The following AFF2 variants were observed in gnomAD, a reference collection of about 807,000 sequenced individuals.
AFF2 encodes the protein ALF transcription elongation factor 2, also known as AF4/FMR2 family member 2.
In AFF2, 14 loss-of-function variants were observed where a neutral mutation model predicts 76.9. The observed-to-expected ratio is 0.18, with a 90% CI of 0.12 to 0.28. The LOEUF (loss-of-function observed/expected upper bound fraction) is 0.28, where lower values mean the gene tolerates loss of function less well. Among genes scored for constraint, AFF2 ranks in the 10% least tolerant of loss-of-function variants. The probability of loss-of-function intolerance (pLI) is 1.00; values close to 1 mark genes in which losing one functional copy is unlikely to be tolerated. For synonymous variants in AFF2, 398 were observed against 366.7 expected (o/e 1.09, Z -0.98); for missense variants, 868 against 1,001.1 (o/e 0.87, Z 1.79).
intron 15 of AFF2, among the ~76,000 whole-genome samples, chrX:148,969,694 G>C (rs1557289273): frequency 9.0e-6 from 1 of 111,630 alleles, no homozygotes; most frequent in African/African-American, 3.3e-5. Context: ...TTTAAGATTG[G>C]TTAAATCCAT....
At chrX:148,832,792 A>G (rs935282050) in intron 4 of AFF2, among the ~76,000 whole-genome samples, 5 of 111,873 alleles carry the variant, frequency 4.5e-5, no homozygotes, top group Non-Finnish European at 9.4e-5. Flanking sequence ...CCCAGAATGG[A>G]CAAGCAACTT....
chrX:148,974,580 T>C (rs903063085), intron 16 of AFF2, among the ~76,000 whole-genome samples: 39 of 111,963 alleles, frequency 3.5e-4, no homozygotes, highest in Non-Finnish European at 6.2e-4. Flanking sequence ...CTGGACAGAT[T>C]TAGTGTGCAT....
intron 7 of AFF2, among the ~76,000 whole-genome samples, chrX:148,859,568 TAAACA>T: frequency 9.0e-6 from 1 of 110,572 alleles, no homozygotes; most frequent in Non-Finnish European, 1.9e-5. Flanking sequence ...CATGTTTCTA[TAAACA>T]AATGGAATTT....
chrX:148,847,019 G>T (rs1256178917), intron 7 of AFF2, among the ~76,000 whole-genome samples: 1 of 111,360 alleles, frequency 9.0e-6, no homozygotes, highest in Non-Finnish European at 1.9e-5. Flanking sequence ...TCCTGCCTCA[G>T]CCTCCTGTGT....
chrX:148,839,147 G>C (rs1209085758), intron 5 of AFF2, among the ~76,000 whole-genome samples: 1 of 112,486 alleles, frequency 8.9e-6, no homozygotes, highest in Non-Finnish European at 1.9e-5. Flanking sequence ...CAATAGAACT[G>C]TTGTTTAAAT....
intron 3 of AFF2, among the ~76,000 whole-genome samples, chrX:148,762,963 G>A (rs1287794998): frequency 8.9e-6 from 1 of 112,273 alleles, no homozygotes; most frequent in Non-Finnish European, 1.9e-5. Context: ...CGAGGTCACT[G>A]ATCTTACAGC....
intron 8 of AFF2, among the ~76,000 whole-genome samples, chrX:148,895,408 A>C (rs1375873204): frequency 8.0e-5 from 9 of 111,859 alleles, no homozygotes; most frequent in African/African-American, 2.9e-4. Flanking sequence ...ATTTTATTTG[A>C]ATATTGACAT....
chrX:148,870,634 C>G (rs138563277), intron 7 of AFF2, among the ~76,000 whole-genome samples: 9 of 112,288 alleles, frequency 8.0e-5, no homozygotes, highest in Middle Eastern at 4.6e-3. Flanking sequence ...GTGAAGCTGT[C>G]AAACTAGCTG....
chrX:148,932,991 T>C (rs1489646797), intron 9 of AFF2, among the ~76,000 whole-genome samples: 1 of 112,008 alleles, frequency 8.9e-6, no homozygotes, highest in African/African-American at 3.3e-5. Context: ...TAAAATATAT[T>C]GGAAGGTGAT....
chrX:148,930,213 A>G lies in AFF2; in HGVS notation c.1398-23367A>G, dbSNP rs186384411. Among the ~76,000 whole-genome samples the G allele has an allele frequency of 3.4e-4, 38 of 112,492 alleles. No individual in the cohort carries two copies. The East Asian group carries it at 8.1e-3, about 24-fold the overall frequency. Reference sequence around the variant, plus strand: ...AAATTAACATGAGATTATTCTCATCATACAGTATCCAAAGAGGCAGGTAAA... The same window carrying G: ...AAATTAACATGAGATTATTCTCATCGTACAGTATCCAAAGAGGCAGGTAAA... On this transcript the variant is annotated intron_variant, in intron 9 of 20. Coordinates refer to ENST00000370460, the MANE Select transcript of AFF2 (RefSeq NM_002025.4).
chrX:148,661,908 A>G lies in AFF2; in HGVS notation c.181A>G (p.Thr61Ala). ...FGEPYKVAEYTNKGDALANRV... is the reference protein window; with the variant it reads ...FGEPYKVAEYANKGDALANRV... ...CACCCCCATCTTTTTGTTATTTTAG[A>G]CAAACAAAGGTGATGCACTTGCCAA... Residue 61 changes from threonine to alanine, a missense_variant and splice_region_variant, in exon 3 of 21, where the codon ACA becomes GCA. Physicochemically the swap from Thr to Ala is moderately conservative, Grantham distance 58 (BLOSUM62 0). Around this residue, in one of 6 missense-constraint regions of AFF2, gnomAD observed 196 missense variants for 194.8 expected, o/e 1.01. Coordinates refer to ENST00000370460, the MANE Select transcript of AFF2 (RefSeq NM_002025.4). 1 of 1,186,317 alleles carries G rather than the reference A, an allele frequency of 8.4e-7. No homozygotes were observed. Among genetic ancestry groups the G allele is most frequent in the South Asian group, 1.9e-5 (1 of 53,545 alleles).
chrX:148,885,019 G>T (rs1220610815), intron 7 of AFF2, among the ~76,000 whole-genome samples: 2 of 111,613 alleles, frequency 1.8e-5, no homozygotes, highest in African/African-American at 6.5e-5. Flanking sequence ...TAAGGATGAG[G>T]TATAAAGTTA....
At chrX:148,546,633 T>C (rs2052924021) in intron 1 of AFF2, among the ~76,000 whole-genome samples, 1 of 112,483 alleles carries the variant, frequency 8.9e-6, no homozygotes, top group African/African-American at 3.2e-5. Flanking sequence ...TTCATTAATA[T>C]TGTTTCATTA....
intron 1 of AFF2, among the ~76,000 whole-genome samples, chrX:148,581,668 A>G (rs1201149914): frequency 1.8e-5 from 2 of 111,785 alleles, no homozygotes; most frequent in African/African-American, 6.6e-5. Context: ...GTATACGTGT[A>G]CACACATATA....
At position 148,996,437 on chromosome X, in the gene AFF2, T is replaced by C. The variant is rs1557293146; in HGVS notation, c.*5105T>C. 2 of 112,689 alleles carry C rather than the reference T, an allele frequency of 1.8e-5. No individual in the cohort carries two copies. The highest frequency in any genetic ancestry group is 3.2e-5 in the African/African-American group (1 of 31,067). 9.3% of individuals were successfully genotyped at this position (112,689 alleles called of 1,213,427 possible). ...ACCAACTGTGATGTCACTGAACACA[T>C]GGTTGGAAAGAGATGCACGCAGTTG... On this transcript the variant is annotated 3_prime_UTR_variant, in exon 21 of 21. Transcript: ENST00000370460.
At chrX:148,690,101 G>A (rs1436746219) in intron 3 of AFF2, among the ~76,000 whole-genome samples, 1 of 111,995 alleles carries the variant, frequency 8.9e-6, no homozygotes, top group African/African-American at 3.2e-5. Context: ...TTGAACTGAT[G>A]GGCCCTTGAT....
At position 148,545,364 on chromosome X, in the gene AFF2, A is replaced by G. The variant is rs781788331; in HGVS notation, c.47+44220A>G. ...GCTTTTTGTTTATCTTTTGATTAAT[A>G]CAGTTTTGATTGTCCTTCAGAGTTG... On this transcript the variant is annotated intron_variant, in intron 1 of 20. Coordinates refer to ENST00000370460, the MANE Select transcript of AFF2 (RefSeq NM_002025.4). 8.0e-5 allele frequency among the ~76,000 whole-genome samples: 9 copies of G among 112,129 alleles called. No homozygotes were observed. In the South Asian group the frequency reaches 3.4e-3, roughly 42 times the overall value.
chrX:148,960,082 G>T (rs2072091095), intron 12 of AFF2, among the ~76,000 whole-genome samples: 1 of 113,026 alleles, frequency 8.8e-6, no homozygotes, highest in Non-Finnish European at 1.9e-5. Context: ...TCCACCCCCA[G>T]CTGAGGTCTG....
chrX:148,991,360 G>T lies in AFF2; in HGVS notation c.*28G>T. On this transcript the variant is annotated 3_prime_UTR_variant, in exon 21 of 21. Transcript: ENST00000370460. ...GGTGTTCTCAGATCTCTAGCATCAC[G>T]ACCCATCACTCTACCTCTACCAGCG... is the stretch of plus-strand genomic sequence containing the variant. 1 of 1,176,013 alleles carries T rather than the reference G, an allele frequency of 8.5e-7. No individual in the cohort carries two copies.
Sources: allele counts gnomAD v4.1 joint callset (sites outside exome capture counted in the v4.1 genomes callset), GRCh38; gene constraint gnomAD v4.1.1; regional missense constraint gnomAD v4.1.1; transcripts MANE v1.5; gene names NCBI Gene and HGNC (gene_info 2026-07-23, HGNC 2026-07-21).